Variants in CLEC4M observed in about 807,000 individuals in gnomAD.
The protein encoded by CLEC4M is CD209 antigen-like protein 1.
A neutral mutation model predicts 39.1 loss-of-function variants in CLEC4M; 25 were observed. That is an observed-to-expected ratio of 0.64 (90% CI 0.47 to 0.89). The LOEUF (loss-of-function observed/expected upper bound fraction) is 0.89. Ranked by LOEUF, CLEC4M falls within the 40% of genes least tolerant of loss-of-function variation. The pLI, the probability that CLEC4M is intolerant of heterozygous loss-of-function variation, is 0.00. For missense variants in CLEC4M, 353 were observed against 431.4 expected (o/e 0.82, Z 1.61); for synonymous variants, 155 against 177.4 (o/e 0.87, Z 1.00).
chr19:7,768,588 A>C (rs1411061265), intron 6 of CLEC4M: 5 of 332,094 alleles, frequency 1.5e-5, no homozygotes, highest in Non-Finnish European at 2.2e-5. Flanking sequence ...AAAAAGAAAA[A>C]GAGAAAGAAA....
At chr19:7,767,709 C>T (rs1411229770) in intron 6 of CLEC4M, 81 bp downstream of exon 6, 12 of 1,194,964 alleles carry the variant, frequency 1.0e-5, no homozygotes, top group Admixed American at 5.3e-5. Flanking sequence ...CTGGGGGTCC[C>T]CCCCAACCTC....
chr19:7,764,837 A>G (rs1237010773), intron 2 of CLEC4M, among the ~76,000 whole-genome samples: 1 of 152,168 alleles, frequency 6.6e-6, no homozygotes, highest in Non-Finnish European at 1.5e-5. Context: ...TCTCTTCCTC[A>G]GGGGGAATTG....
intron 4 of CLEC4M, 54 bp from the exon 5 acceptor site, chr19:7,766,602 T>C (rs2034284882): frequency 2.5e-6 from 4 of 1,609,206 alleles, no homozygotes; most frequent in South Asian, 1.1e-5. Flanking sequence ...TGGGCAGATA[T>C]GGGAATATGG....
At chr19:7,767,480 G>A in intron 5 of CLEC4M, 36 bp from the exon 6 acceptor site, 1 of 1,524,390 alleles carries the variant, frequency 6.6e-7, no homozygotes, top group African/African-American at 1.4e-5. Flanking sequence ...AAAATGGGAA[G>A]CAGAGCTCCC....
chr19:7,766,847 G>A, intron 5 of CLEC4M, 40 bp downstream of exon 5: 1 of 1,613,264 alleles, frequency 6.2e-7, no homozygotes, highest in Non-Finnish European at 8.5e-7. Flanking sequence ...CTGGGGCATG[G>A]CTTCTGGCCA....
chr19:7,767,792 C>G (rs947278713), intron 6 of CLEC4M, 164 bp downstream of exon 6: 2 of 600,512 alleles, frequency 3.3e-6, no homozygotes, highest in African/African-American at 1.9e-5. Flanking sequence ...CACCTCCAGA[C>G]AGGATGAAAG....
In CLEC4M at chr19:7,766,737, G is replaced by A. The variant is rs1568205202; in HGVS notation, c.866G>A (p.Trp289Ter). 4.3e-6 allele frequency: 7 copies of A among 1,614,214 alleles called. No individual in the cohort carries two copies. Among genetic ancestry groups the A allele is most frequent in the Non-Finnish European group, 8.5e-7 (1 of 1,180,044 alleles). ...TTCATGTCTAACTCCCAGCGGAACT[G>A]GCACGACTCCGTCACCGCCTGCCAG... ...CYFMSNSQRN[W>*]HDSVTACQEV... The change falls in exon 5 of 7, where the codon TGG (tryptophan) becomes TAG (stop). Residue 289 changes from tryptophan to a stop codon, truncating the protein, a stop_gained. Coordinates refer to ENST00000327325, the MANE Select transcript of CLEC4M (RefSeq NM_014257.5). LOFTEE classifies it high-confidence loss of function.
chr19:7,766,606 A>T (rs926985004), intron 4 of CLEC4M, 50 bp from the exon 5 acceptor site: 3 of 1,611,174 alleles, frequency 1.9e-6, no homozygotes, highest in Non-Finnish European at 2.5e-6. Flanking sequence ...CAGATATGGG[A>T]ATATGGACAA....
In CLEC4M at chr19:7,763,319, CT is replaced by C. The variant is rs751628474; in HGVS notation, c.46+8del. On this transcript the variant is annotated splice_region_variant and intron_variant, in intron 1 of 6. Transcript: ENST00000327325. ...CAGCAGCTGGGCCTCCTGGGTAAGGCTGGGTTGGAACTCTGGGATCCTGGGT... is the reference window on the plus strand; with the variant it reads ...CAGCAGCTGGGCCTCCTGGGTAAGGCGGGTTGGAACTCTGGGATCCTGGGT... 1 of 1,610,986 alleles carries C rather than the reference CT, an allele frequency of 6.2e-7. No individual in the cohort carries two copies. The highest frequency in any genetic ancestry group is 1.1e-5 in the South Asian group (1 of 90,532).
rs775349900 is a variant in CLEC4M at position 7,765,775 on chromosome 19, C to T, written c.352C>T (p.Gln118Ter). 6.2e-7 allele frequency: 1 copy of T among 1,612,766 alleles called. No homozygotes were observed. Among genetic ancestry groups the T allele is most frequent in the Non-Finnish European group, 8.5e-7 (1 of 1,179,544 alleles). Reference sequence around the variant, plus strand: ...GCAGGAGATCTACCAGGAGCTGACCCAGCTGAAGGCTGCAGTGGGTGAGTT... The same window carrying T: ...GCAGGAGATCTACCAGGAGCTGACCTAGCTGAAGGCTGCAGTGGGTGAGTT... Reference protein sequence around the residue: ...KLQEIYQELTQLKAAVGELPE... With the variant: ...KLQEIYQELT Residue 118 changes from glutamine (Q) to a stop codon, truncating the protein, a stop_gained, in exon 4 of 7, where the codon CAG (glutamine) becomes TAG (stop). Transcript: ENST00000327325. LOFTEE classifies it high-confidence loss of function.
In CLEC4M at chr19:7,766,827, T is replaced by C. The variant is rs367752410; in HGVS notation, c.936+20T>C. 1.7e-5 allele frequency: 28 copies of C among 1,614,028 alleles called. No homozygotes were observed. The highest frequency in any genetic ancestry group is 4.0e-5 in the African/African-American group (3 of 74,934). On this transcript the variant is annotated intron_variant, in intron 5 of 6. Transcript: ENST00000327325. ...GAGCAGGTACACGTGGTGGGGGTCCTCGTCCTGGCCTGGGGCATGGCTTCT... is the reference window on the plus strand; with the variant it reads ...GAGCAGGTACACGTGGTGGGGGTCCCCGTCCTGGCCTGGGGCATGGCTTCT...
chr19:7,768,421 A>G (rs987753691), intron 6 of CLEC4M: 2 of 157,996 alleles, frequency 1.3e-5, no homozygotes, highest in African/African-American at 4.8e-5. Context: ...TACAAATACA[A>G]AAATTAGCTG....
intron 2 of CLEC4M, among the ~76,000 whole-genome samples, 177 bp downstream of exon 2, chr19:7,763,653 G>C (rs2034117373): frequency 6.6e-6 from 1 of 151,946 alleles, no homozygotes; most frequent in African/African-American, 2.4e-5. Flanking sequence ...ACCTGGGGAG[G>C]TGGGGGTTGA....
At chr19:7,767,693 C>G in intron 6 of CLEC4M, 65 bp downstream of exon 6, 1 of 1,439,378 alleles carries the variant, frequency 6.9e-7, no homozygotes, top group South Asian at 1.2e-5. Context: ...CTGACTTGAG[C>G]TTTCCCTGGG....
At chr19:7,764,963 G>A (rs996897833) in intron 2 of CLEC4M, among the ~76,000 whole-genome samples, 3 of 152,000 alleles carry the variant, frequency 2.0e-5, no homozygotes, top group African/African-American at 7.3e-5. Flanking sequence ...GGGAGGTGGG[G>A]GTTGGGACCT....
At position 7,769,480 on chromosome 19, in the gene CLEC4M, G is replaced by C. The variant is rs139466675; in HGVS notation, c.*492G>C. ...TCCCCCAGTCAACCAATGGCATCCA[G>C]AGAGGGCATGGAGGCTCCATACAAC... is the stretch of plus-strand genomic sequence containing the variant. On this transcript the variant is annotated 3_prime_UTR_variant, in exon 7 of 7. Coordinates refer to ENST00000327325, the MANE Select transcript of CLEC4M (RefSeq NM_014257.5). The C allele has an allele frequency of 6.3e-6, 1 of 159,164 alleles. No individual in the cohort carries two copies. Among genetic ancestry groups the C allele is most frequent in the Non-Finnish European group, 1.4e-5 (1 of 71,620 alleles). The allele number at this position is 159,164 out of a possible 1,614,324, so 9.9% of individuals were successfully genotyped here.
intron 5 of CLEC4M, 192 bp from the exon 6 acceptor site, chr19:7,767,324 G>C (rs2034321874): frequency 1.7e-6 from 1 of 572,042 alleles, no homozygotes; most frequent in East Asian, 2.9e-5. Flanking sequence ...GTGCATGCGT[G>C]CCTGCATGTC....
rs1451885524 is a variant in CLEC4M at position 7,766,216 on chromosome 19, C to T, written c.784+9C>T. The T allele has an allele frequency of 1.2e-6, 2 of 1,613,918 alleles. No homozygotes were observed. The highest frequency in any genetic ancestry group is 1.7e-6 in the Non-Finnish European group (2 of 1,179,852). ...TTTGAAGACTGCATTTGGTGAGTTC[C>T]TGCACATCAAGGGTCCTTGGGCCTG... is the stretch of plus-strand genomic sequence containing the variant. On this transcript the variant is annotated intron_variant, in intron 4 of 6. Transcript: ENST00000327325.
Position 7,765,757 on chromosome 19 carries a change from A to G in CLEC4M, c.334A>G (p.Ile112Val), listed in dbSNP as rs748821002. The change falls in exon 4 of 7, where the codon ATC (isoleucine) becomes GTC (valine). Residue 112 changes from isoleucine to valine, a missense_variant. By Grantham distance (29) the Ile-to-Val change is conservative. Coordinates refer to ENST00000327325, the MANE Select transcript of CLEC4M (RefSeq NM_014257.5). Reference sequence around the variant, plus strand: ...CTCAGAGAAATCCAAGCTGCAGGAGATCTACCAGGAGCTGACCCAGCTGAA... The same window carrying G: ...CTCAGAGAAATCCAAGCTGCAGGAGGTCTACCAGGAGCTGACCCAGCTGAA... ...ELSEKSKLQE[I>V]YQELTQLKAA... is the part of the protein sequence containing the mutation. The G allele has an allele frequency of 1.2e-6, 2 of 1,613,760 alleles. No homozygotes were observed. Among genetic ancestry groups the G allele is most frequent in the South Asian group, 1.1e-5 (1 of 91,058 alleles).
Sources: gnomAD v4.1 joint callset for allele counts (sites outside exome capture counted in the v4.1 genomes callset) on GRCh38, gnomAD v4.1.1 for gene constraint, MANE v1.5 for transcripts, NCBI Gene and HGNC (gene_info 2026-07-23, HGNC 2026-07-21) for gene names.